Variants in LPIN1 observed in about 807,000 individuals in gnomAD.
The protein encoded by LPIN1 is lipin 1, also known as phosphatidate phosphatase LPIN1.
A neutral mutation model predicts 107.5 loss-of-function variants in LPIN1; 71 were observed. That is an observed-to-expected ratio of 0.66 (90% CI 0.55 to 0.80). The LOEUF (loss-of-function observed/expected upper bound fraction) is 0.80, where lower values mean the gene tolerates loss of function less well. LPIN1 is among the 30% of genes least tolerant of loss of function. The pLI is 0.00. For synonymous variants in LPIN1, 445 were observed against 452.6 expected, an observed-to-expected ratio of 0.98 and a Z score of 0.21; for missense variants, 1,043 against 1,160.6, an observed-to-expected ratio of 0.90 and a Z score of 1.47.
At chr2:11,739,181 T>G (rs1179830628) in intron 1 of LPIN1, among the ~76,000 whole-genome samples, 1 of 152,194 alleles carries the variant, frequency 6.6e-6, no homozygotes, top group Non-Finnish European at 1.5e-5. Flanking sequence ...GAAGCTGTAT[T>G]GCTCAATCAG....
rs1367537102 is a variant in LPIN1 at position 11,815,118 on chromosome 2, C to T, written c.2280C>T (p.Ala760=). 6.2e-7 allele frequency: 1 copy of T among 1,614,008 alleles called. No individual in the cohort carries two copies. The highest frequency in any genetic ancestry group is 8.5e-7 in the Non-Finnish European group (1 of 1,180,022). ...QNGYKFLYCS[A]RAIGMADMTR... is the part of the protein sequence containing the mutation. The stretch of plus-strand genomic sequence containing the variant: ...GATATAAATTTCTCTACTGTTCTGC[C>T]CGTGCCATCGGGATGGCGGACATGA... The change falls in exon 18 of 21, where the codon GCC becomes GCT. Residue 760 remains alanine (A), a synonymous_variant. Coordinates refer to ENST00000674199, the MANE Select transcript of LPIN1 (RefSeq NM_001349206.2).
chr2:11,709,452 C>G (rs1663294254), intron 1 of LPIN1, among the ~76,000 whole-genome samples: 1 of 152,232 alleles, frequency 6.6e-6, no homozygotes, highest in African/African-American at 2.4e-5. Context: ...GCCTGATCCC[C>G]AGGCCAGGGT....
intron 1 of LPIN1, among the ~76,000 whole-genome samples, chr2:11,679,718 C>A (rs4387757): frequency 0.057 from 8,723 of 152,330 alleles, 441 homozygotes; most frequent in East Asian, 0.14. Context: ...ATTCCCCCAA[C>A]CCCTGCCCCG....
At chr2:11,759,137 C>CTTTG (rs757734302) in intron 1 of LPIN1, among the ~76,000 whole-genome samples, 1 of 39,612 alleles carries the variant, frequency 2.5e-5, no homozygotes, top group Admixed American at 2.8e-4. Flanking sequence ...TCTTTCTTTT[C>CTTTG]TTTCTTTCTT....
chr2:11,719,929 G>C (rs1664010503), upstream of LPIN1, among the ~76,000 whole-genome samples: 1 of 151,734 alleles, frequency 6.6e-6, no homozygotes, highest in South Asian at 2.1e-4. Context: ...TGAATTCTGA[G>C]TTGTGAATAG....
At chr2:11,746,498 C>A, upstream of LPIN1, 1 of 241,896 alleles carries the variant, frequency 4.1e-6, no homozygotes, top group Non-Finnish European at 6.7e-6. Context: ...GGCCAGCAGG[C>A]CCTGAAAGCA....
rs549967984 is a variant in LPIN1, at chr2:11,764,626, A to G, written c.-9-907A>G. 3.3e-5 allele frequency among the ~76,000 whole-genome samples: 5 copies of G among 152,328 alleles called. No individual in the cohort carries two copies. In the South Asian group the frequency reaches 1.0e-3, roughly 32 times the overall value. ...AGCCCAGAGCGCTGGTGTTCCCTGG[A>G]GCAGTGGAGAGAAGTCAGACAGGCA... is the stretch of plus-strand genomic sequence containing the variant. On this transcript the variant is annotated intron_variant, in intron 1 of 20. Transcript: ENST00000674199.
At chr2:11,819,969 T>G (rs1681239299) in intron 19 of LPIN1, among the ~76,000 whole-genome samples, 1 of 152,218 alleles carries the variant, frequency 6.6e-6, no homozygotes, top group South Asian at 2.1e-4. Flanking sequence ...GTTTTAAGTG[T>G]CTAGTGTTGT....
chr2:11,717,611 T>G (rs564887074), intron 2 of LPIN1, among the ~76,000 whole-genome samples: 20 of 152,282 alleles, frequency 1.3e-4, no homozygotes, highest in African/African-American at 4.8e-4. Context: ...TTCCTTCTAT[T>G]TGGACGACCA....
intron 2 of LPIN1, among the ~76,000 whole-genome samples, chr2:11,715,138 C>T (rs1663648109): frequency 6.6e-6 from 1 of 152,210 alleles, no homozygotes; most frequent in Non-Finnish European, 1.5e-5. Flanking sequence ...AAGTAAGTGA[C>T]CCCCTTCACC....
At position 11,826,604 on chromosome 2, in the gene LPIN1, A is replaced by T. The variant is rs1342150659; in HGVS notation, c.*1813A>T. The T allele has an allele frequency of 2.0e-5, 3 of 150,178 alleles. No individual in the cohort carries two copies. The highest frequency in any genetic ancestry group is 7.4e-5 in the African/African-American group (3 of 40,696). The allele number at this position is 150,178 out of a possible 1,614,324, so 9.3% of individuals were successfully genotyped here. On this transcript the variant is annotated 3_prime_UTR_variant, in exon 21 of 21. Coordinates refer to ENST00000674199, the MANE Select transcript of LPIN1 (RefSeq NM_001349206.2). The stretch of plus-strand genomic sequence containing the variant: ...CCTAAAGAGGCTATATTCATTCTTT[A>T]TGCAATGAGGGTATTTTTGAGTGAA...
rs1352096200 is a variant in LPIN1 at position 11,749,101 on chromosome 2, C to T, written c.-10+2430C>T. On this transcript the variant is annotated intron_variant, in intron 1 of 20. Transcript: ENST00000674199. ...CTGGACCAATGTATTGTATAATAAG[C>T]CCACTCATTTAAAACTGGAACGGGG... 2.0e-5 allele frequency among the ~76,000 whole-genome samples: 3 copies of T among 152,258 alleles called. No individual in the cohort carries two copies. The East Asian group carries it at 5.8e-4, about 29-fold the overall frequency.
chr2:11,787,007 G>C, intron 10 of LPIN1, 67 bp from the exon 11 acceptor site: 1 of 1,037,742 alleles, frequency 9.6e-7, no homozygotes, highest in South Asian at 1.3e-5. Context: ...GCAAATGAAA[G>C]GTAGGCCTAA....
intron 2 of LPIN1, among the ~76,000 whole-genome samples, chr2:11,715,551 G>T (rs1352183789): frequency 1.3e-5 from 2 of 152,228 alleles, no homozygotes; most frequent in African/African-American, 4.8e-5. Context: ...CATTCCACAT[G>T]CGTACAGCAG....
At chr2:11,741,801 C>G (rs780567265), upstream of LPIN1, among the ~76,000 whole-genome samples, 26 of 152,006 alleles carry the variant, frequency 1.7e-4, no homozygotes, top group Non-Finnish European at 1.2e-4. Flanking sequence ...CAGAGTGAGA[C>G]TCCATCTCAA....
At chr2:11,744,877 G>T (rs982034577), upstream of LPIN1, among the ~76,000 whole-genome samples, 8 of 152,206 alleles carry the variant, frequency 5.3e-5, no homozygotes, top group African/African-American at 1.9e-4. Context: ...CCTACAAACT[G>T]CAAGATTCTC....
At chr2:11,800,649 G>A (rs141041787) in intron 14 of LPIN1, among the ~76,000 whole-genome samples, 2,016 of 152,244 alleles carry the variant, frequency 0.013, 27 homozygotes, top group Admixed American at 0.017. Flanking sequence ...AACACTTATG[G>A]GGTCAGAAAG....
chr2:11,732,668 G>A (rs1279696050), intron 1 of LPIN1, among the ~76,000 whole-genome samples: 2 of 152,104 alleles, frequency 1.3e-5, no homozygotes, highest in Admixed American at 6.5e-5. Context: ...CTGATAAATG[G>A]CAATGTCATA....
chr2:11,765,361 C>T lies in LPIN1; in HGVS notation c.-9-172C>T, dbSNP rs1286278914. Among the ~76,000 whole-genome samples the T allele has an allele frequency of 6.6e-6, 1 of 152,054 alleles. No homozygotes were observed. Among genetic ancestry groups the T allele is most frequent in the Non-Finnish European group, 1.5e-5 (1 of 68,006 alleles). On this transcript the variant is annotated intron_variant, in intron 1 of 20. Transcript: ENST00000674199. This position sits in a 1 kb window ranked among gnomAD's most constrained non-coding sequence, Gnocchi z 4.4. ...TGGGCCGTGATGGGCCCTGATGGGCCCTGATGGACCCTGATGGGCTATGGG... is the reference window on the plus strand; with the variant it reads ...TGGGCCGTGATGGGCCCTGATGGGCTCTGATGGACCCTGATGGGCTATGGG...
Sources: gnomAD v4.1 joint callset for allele counts (sites outside exome capture counted in the v4.1 genomes callset) on GRCh38, gnomAD v4.1.1 for gene constraint, Gnocchi (gnomAD v3.1) non-coding constraint, MANE v1.5 for transcripts, NCBI Gene and HGNC (gene_info 2026-07-23, HGNC 2026-07-21) for gene names.